Variants in PCDHGB6 observed in about 807,000 individuals in gnomAD.
The protein encoded by PCDHGB6 is protocadherin gamma-B6.
Under a neutral mutation model 59.1 loss-of-function variants are expected in PCDHGB6, and 51 were observed. The observed-to-expected ratio is 0.86, with a 90% CI of 0.69 to 1.09. PCDHGB6 has a LOEUF of 1.09. PCDHGB6 is among the 50% of genes least tolerant of loss of function. The probability of loss-of-function intolerance (pLI) is 0.00; values close to 1 mark genes in which losing one functional copy is unlikely to be tolerated. For synonymous variants in PCDHGB6, 466 were observed against 495.1 expected (o/e 0.94, Z 0.78); for missense variants, 1,148 against 1,205.1 (o/e 0.95, Z 0.70).
Position 141,477,230 on chromosome 5 carries a change from G to A in PCDHGB6, c.2419-17577G>A, listed in dbSNP as rs768648952. The A allele has an allele frequency of 1.3e-5, 21 of 1,614,164 alleles. No individual in the cohort carries two copies. The highest frequency in any genetic ancestry group is 1.8e-5 in the Non-Finnish European group (21 of 1,180,046). On this transcript the variant is annotated intron_variant, in intron 1 of 3. Coordinates refer to ENST00000520790, the MANE Select transcript of PCDHGB6 (RefSeq NM_018926.3). This position sits in a 1 kb window ranked among gnomAD's most constrained non-coding sequence, Gnocchi z 4.9. ...GGATGCCCCTCTGGGGACTGTCATC[G>A]CTTTGCTCAGTGTGACTGACCTGGA...
At chr5:141,443,499 A>T (rs533910381) in intron 1 of PCDHGB6, among the ~76,000 whole-genome samples, 1 of 152,268 alleles carries the variant, frequency 6.6e-6, no homozygotes, top group African/African-American at 2.4e-5. Context: ...ACAAACAAAC[A>T]AATAAAGAGC....
intron 2 of PCDHGB6, among the ~76,000 whole-genome samples, chr5:141,502,866 C>CTTTTTTCTT (rs2099816532): frequency 7.8e-6 from 1 of 128,046 alleles, no homozygotes; most frequent in African/African-American, 3.1e-5. Context: ...GACTCTCTGT[C>CTTTTTTCTT]TTTTTTTTTT....
intron 1 of PCDHGB6, among the ~76,000 whole-genome samples, chr5:141,473,736 G>A (rs1278322296): frequency 1.3e-5 from 2 of 152,202 alleles, no homozygotes; most frequent in Non-Finnish European, 2.9e-5. Flanking sequence ...AGAGGGAGAA[G>A]ACATGAGAAC....
In PCDHGB6 at chr5:141,418,939, C is replaced by T. The variant is rs766248741; in HGVS notation, c.2418+8319C>T. The T allele has an allele frequency of 8.7e-6, 14 of 1,613,642 alleles. No individual in the cohort carries two copies. In the African/African-American group the frequency reaches 1.7e-4, roughly 20 times the overall value. On this transcript the variant is annotated intron_variant, in intron 1 of 3. Transcript: ENST00000520790. ...TCTCTGATCAGATTATGGAGGATTC[C>T]CCTCCAGGAGTGGTTGTTGCCCTCT...
chr5:141,472,980 C>CAAAAAAAAAAAAAAAAAAAA (rs60579131), intron 1 of PCDHGB6, among the ~76,000 whole-genome samples: 7 of 86,088 alleles, frequency 8.1e-5, no homozygotes, highest in South Asian at 4.3e-4. Flanking sequence ...GAGTGAAACT[C>CAAAAAAAAAAAAAAAAAAAA]AAAAAAAAAA....
At chr5:141,494,522 G>C (rs2099754911) in intron 1 of PCDHGB6, among the ~76,000 whole-genome samples, 1 of 152,196 alleles carries the variant, frequency 6.6e-6, no homozygotes, top group Non-Finnish European at 1.5e-5. Flanking sequence ...CAGGAGTTCT[G>C]ACTCTGGGGG....
chr5:141,492,894 G>A (rs2099744893), intron 1 of PCDHGB6, among the ~76,000 whole-genome samples: 1 of 152,202 alleles, frequency 6.6e-6, no homozygotes, highest in Admixed American at 6.5e-5. Flanking sequence ...GGCTTTTGGC[G>A]CCGTCGTGAT....
In PCDHGB6 at chr5:141,485,049, G is replaced by C. The variant is rs1271101804; in HGVS notation, c.2419-9758G>C. On this transcript the variant is annotated intron_variant, in intron 1 of 3. Coordinates refer to ENST00000520790, the MANE Select transcript of PCDHGB6 (RefSeq NM_018926.3). The surrounding 1 kb of genome is among the most constrained non-coding windows in gnomAD (Gnocchi z 5.7). ...AACGGCGCGTAACCCTTGCGGCGCC[G>C]GCCGAACCGCGCCAGAGCTGGCGCG... 1 of 780,438 alleles carries C rather than the reference G, an allele frequency of 1.3e-6. No homozygotes were observed. The highest frequency in any genetic ancestry group is 2.1e-6 in the Non-Finnish European group (1 of 469,234). The allele number at this position is 780,438 out of a possible 1,614,324, so 48.3% of individuals were successfully genotyped here. A position where few individuals can be genotyped will look rare whatever the true frequency, so the allele number is the denominator to read the frequency against.
chr5:141,446,275 A>G (rs1229842331), intron 1 of PCDHGB6, among the ~76,000 whole-genome samples: 1 of 152,156 alleles, frequency 6.6e-6, no homozygotes, highest in African/African-American at 2.4e-5. Flanking sequence ...GAATAAATAC[A>G]ATGGATAAAT....
At chr5:141,419,433 T>A (rs1333004780) in intron 1 of PCDHGB6, 6 of 1,613,246 alleles carry the variant, frequency 3.7e-6, no homozygotes, top group Non-Finnish European at 5.1e-6. Flanking sequence ...CACGAGCAGC[T>A]GCGCACCTTC....
In PCDHGB6 at chr5:141,423,758, G is replaced by T. The variant is rs1192987646; in HGVS notation, c.2418+13138G>T. Reference sequence around the variant, plus strand: ...CTGTTATGAAAACTGTTTGGGGGGGGGGTGGGGCGGCATATATTTAGTTCA... The same window carrying T: ...CTGTTATGAAAACTGTTTGGGGGGGTGGTGGGGCGGCATATATTTAGTTCA... On this transcript the variant is annotated intron_variant, in intron 1 of 3. Transcript: ENST00000520790. 1.4e-4 allele frequency: 53 copies of T among 366,832 alleles called. 6 individuals carry two copies. The highest frequency in any genetic ancestry group is 3.4e-4 in the South Asian group (4 of 11,762). 22.7% of individuals were successfully genotyped at this position (366,832 alleles called of 1,614,324 possible).
In PCDHGB6 at chr5:141,511,548, A is replaced by C; in HGVS notation, c.*375A>C. 3.3e-6 allele frequency: 1 copy of C among 306,952 alleles called. No homozygotes were observed. The highest frequency in any genetic ancestry group is 6.3e-6 in the Non-Finnish European group (1 of 158,248). 19.0% of individuals were successfully genotyped at this position (306,952 alleles called of 1,614,324 possible). ...CCTCCCTCCTCCCCACCCCACTCCA[A>C]CAGTTCCTCTTTCCCGAGTAAGGTG... is the stretch of plus-strand genomic sequence containing the variant. On this transcript the variant is annotated 3_prime_UTR_variant, in exon 4 of 4. Transcript: ENST00000520790.
chr5:141,417,627 G>C, intron 1 of PCDHGB6: 1 of 694,264 alleles, frequency 1.4e-6, no homozygotes, highest in Non-Finnish European at 2.3e-6. Flanking sequence ...AGCAAGCGCT[G>C]ACGCCGGGGA....
In PCDHGB6 at chr5:141,432,219, T is replaced by A. The variant is rs1327611752; in HGVS notation, c.2418+21599T>A. 6.2e-7 allele frequency: 1 copy of A among 1,614,122 alleles called. No homozygotes were observed. Among genetic ancestry groups the A allele is most frequent in the East Asian group, 2.2e-5 (1 of 44,868 alleles). On this transcript the variant is annotated intron_variant, in intron 1 of 3. Transcript: ENST00000520790. The surrounding 1 kb of genome is among the most constrained non-coding windows in gnomAD (Gnocchi z 6.0). The stretch of plus-strand genomic sequence containing the variant: ...CCCGACTGTGAAGAGAACGCCCAGA[T>A]CACTTATTCCCTGGCTGAGAACACC...
chr5:141,459,687 G>A (rs191874235), intron 1 of PCDHGB6, among the ~76,000 whole-genome samples: 15 of 152,278 alleles, frequency 9.9e-5, no homozygotes, highest in Admixed American at 2.0e-4. Context: ...TGCATAAAGC[G>A]TTCCGCTTGC....
At chr5:141,494,972 C>G in intron 2 of PCDHGB6, 107 bp downstream of exon 2, 1 of 1,581,852 alleles carries the variant, frequency 6.3e-7, no homozygotes, top group Non-Finnish European at 8.6e-7. Context: ...TGGCTTCTCC[C>G]TCAGTTTGAG....
chr5:141,476,747 C>T lies in PCDHGB6; in HGVS notation c.2419-18060C>T. The T allele has an allele frequency of 6.2e-7, 1 of 1,614,066 alleles. No homozygotes were observed. The highest frequency in any genetic ancestry group is 8.5e-7 in the Non-Finnish European group (1 of 1,180,036). On this transcript the variant is annotated intron_variant, in intron 1 of 3. Transcript: ENST00000520790. This position sits in a 1 kb window ranked among gnomAD's most constrained non-coding sequence, Gnocchi z 7.6. The stretch of plus-strand genomic sequence containing the variant: ...GGACCGAGAACGGGAGCCTAGTCTC[C>T]AGTTAGTGCTGACGGCGTTGGACGG...
At chr5:141,419,694 G>A in intron 1 of PCDHGB6, 1 of 1,612,974 alleles carries the variant, frequency 6.2e-7, no homozygotes, top group Non-Finnish European at 8.5e-7. Context: ...GTGCAGGCCA[G>A]TGAGCCCGGG....
At position 141,408,725 on chromosome 5, in the gene PCDHGB6, A is replaced by G; in HGVS notation, c.523A>G (p.Asn175Asp). ...AATTAAAGATTATAAGATAAACTCT[A>G]ATCCTTATTTTTCATTAATGGTTAG... ...NSIKDYKINS[N>D]PYFSLMVRVN... is the part of the protein sequence containing the mutation. The change falls in exon 1 of 4, where the codon AAT (asparagine) becomes GAT (aspartate). Residue 175 changes from asparagine to aspartate, a missense_variant. Asn to Asp is a conservative substitution (Grantham distance 23). Around this residue, in one of 5 missense-constraint regions of PCDHGB6, gnomAD observed 307 missense variants for 323.8 expected, o/e 0.95. Coordinates refer to ENST00000520790, the MANE Select transcript of PCDHGB6 (RefSeq NM_018926.3). 6.2e-7 allele frequency: 1 copy of G among 1,610,988 alleles called. No homozygotes were observed. The highest frequency in any genetic ancestry group is 8.5e-7 in the Non-Finnish European group (1 of 1,178,294).
Sources: allele counts gnomAD v4.1 joint callset (sites outside exome capture counted in the v4.1 genomes callset), GRCh38; gene constraint gnomAD v4.1.1; regional missense constraint gnomAD v4.1.1; non-coding constraint Gnocchi (gnomAD v3.1); transcripts MANE v1.5; gene names NCBI Gene and HGNC (gene_info 2026-07-23, HGNC 2026-07-21).